The following FAM216A variants were observed in gnomAD, a reference collection of about 807,000 sequenced individuals.
FAM216A encodes the protein family with sequence similarity 216 member A.
A neutral mutation model predicts 37.6 loss-of-function variants in FAM216A; 26 were observed. The ratio of observed to expected loss-of-function variants is 0.69; its 90% CI spans 0.51 to 0.96. The LOEUF (loss-of-function observed/expected upper bound fraction) is 0.96. Among genes scored for constraint, FAM216A ranks in the 40% least tolerant of loss-of-function variants. The probability of loss-of-function intolerance (pLI) is 0.00; values close to 1 mark genes in which losing one functional copy is unlikely to be tolerated. For missense variants in FAM216A, 326 were observed against 339.3 expected (o/e 0.96, Z 0.31); for synonymous variants, 110 against 121.7 (o/e 0.90, Z 0.64).
At chr12:110,484,018 G>A (rs1211817908) in intron 2 of FAM216A, among the ~76,000 whole-genome samples, 1 of 152,102 alleles carries the variant, frequency 6.6e-6, no homozygotes, top group Non-Finnish European at 1.5e-5. Context: ...GAGAGGCAGA[G>A]GCGGGAGAAT....
chr12:110,479,495 A>T (rs1449235149), intron 2 of FAM216A, among the ~76,000 whole-genome samples: 2 of 151,890 alleles, frequency 1.3e-5, no homozygotes, highest in African/African-American at 4.8e-5. Flanking sequence ...TAAGATGTAT[A>T]AAAAAGTAGT....
chr12:110,480,972 C>G (rs1399076429), intron 2 of FAM216A, among the ~76,000 whole-genome samples: 1 of 152,118 alleles, frequency 6.6e-6, no homozygotes, highest in Non-Finnish European at 1.5e-5. Flanking sequence ...TCTTTCACTC[C>G]GTATATATTT....
intron 1 of FAM216A, among the ~76,000 whole-genome samples, chr12:110,472,865 A>C (rs1050688323): frequency 6.7e-6 from 1 of 149,724 alleles, no homozygotes; most frequent in Non-Finnish European, 1.5e-5. Context: ...AGTCCCAGCT[A>C]CCTGGGAGGC....
chr12:110,477,716 C>T (rs1256696204), intron 2 of FAM216A, among the ~76,000 whole-genome samples: 7 of 147,144 alleles, frequency 4.8e-5, no homozygotes, highest in African/African-American at 5.0e-5. Flanking sequence ...TGTGCTTTTT[C>T]TTTTTTTTTG....
chr12:110,486,924 TA>T (rs1440151162), intron 5 of FAM216A: 69 of 517,076 alleles, frequency 1.3e-4, no homozygotes, highest in South Asian at 1.9e-4. Context: ...CCCTGCTAGT[TA>T]AAAAAAATTG....
At chr12:110,487,748 G>C (rs1257022382) in intron 5 of FAM216A, 113 bp from the exon 6 acceptor site, 1 of 710,624 alleles carries the variant, frequency 1.4e-6, no homozygotes, top group Admixed American at 2.5e-5. Context: ...GGTGCTGAAA[G>C]GGTCTTTTTG....
At chr12:110,469,978 C>T (rs1348473101) in intron 1 of FAM216A, among the ~76,000 whole-genome samples, 3 of 152,186 alleles carry the variant, frequency 2.0e-5, no homozygotes, top group Admixed American at 1.3e-4. Context: ...GTTGAAGTCA[C>T]TGCTGGAGAC....
intron 1 of FAM216A, among the ~76,000 whole-genome samples, chr12:110,471,459 A>G (rs374957213): frequency 1.3e-5 from 2 of 152,192 alleles, no homozygotes; most frequent in East Asian, 1.9e-4. Flanking sequence ...TTCATGTATA[A>G]TATGATGGGT....
At chr12:110,480,887 G>C (rs2062743370) in intron 2 of FAM216A, among the ~76,000 whole-genome samples, 1 of 151,876 alleles carries the variant, frequency 6.6e-6, no homozygotes, top group South Asian at 2.1e-4. Flanking sequence ...GTCTCTAAAA[G>C]AAAATTTAAA....
rs771388561 is a variant in FAM216A at position 110,485,200 on chromosome 12, G to C, written c.306+1G>C. 6.2e-7 allele frequency: 1 copy of C among 1,603,920 alleles called. No homozygotes were observed. Among genetic ancestry groups the C allele is most frequent in the South Asian group, 1.1e-5 (1 of 89,282 alleles). On this transcript the variant is annotated splice_donor_variant, in intron 3 of 6. Coordinates refer to ENST00000377673, the MANE Select transcript of FAM216A (RefSeq NM_013300.3). LOFTEE classifies it high-confidence loss of function. ...AATGATGGAGGCGTCCTTTTTCAAG[G>C]TATGCTAACAGGGACATATTTAAAT...
chr12:110,481,285 A>G lies in FAM216A; in HGVS notation c.185-3793A>G, dbSNP rs1348687500. ...TCAGTTCTTTTGGAATTGCTGGATC[A>G]GAAGTGGAATTATTAGATTATATGG... is the stretch of plus-strand genomic sequence containing the variant. On this transcript the variant is annotated intron_variant, in intron 2 of 6. Transcript: ENST00000377673. 3.3e-5 allele frequency among the ~76,000 whole-genome samples: 5 copies of G among 152,222 alleles called. No homozygotes were observed. The East Asian group carries it at 7.7e-4, about 23-fold the overall frequency.
At chr12:110,478,400 G>A (rs1274580397) in intron 2 of FAM216A, among the ~76,000 whole-genome samples, 1 of 152,088 alleles carries the variant, frequency 6.6e-6, no homozygotes. Flanking sequence ...CTGTAAATAT[G>A]TTATGTTACA....
At chr12:110,474,279 A>G (rs1364734200) in intron 2 of FAM216A, among the ~76,000 whole-genome samples, 1 of 152,162 alleles carries the variant, frequency 6.6e-6, no homozygotes, top group African/African-American at 2.4e-5. Flanking sequence ...AGGGAAATAA[A>G]GAAATATTAA....
intron 2 of FAM216A, among the ~76,000 whole-genome samples, chr12:110,480,379 T>A (rs2062740482): frequency 6.6e-6 from 1 of 151,810 alleles, no homozygotes; most frequent in South Asian, 2.1e-4. Context: ...AATTTTTTTA[T>A]ATTTTTCTAG....
chr12:110,485,914 G>A (rs1328728765), intron 3 of FAM216A, among the ~76,000 whole-genome samples: 1 of 152,144 alleles, frequency 6.6e-6, no homozygotes, highest in Non-Finnish European at 1.5e-5. Flanking sequence ...TATTCTTCTG[G>A]TGCTGGAAAA....
At chr12:110,480,169 G>GCGCC (rs2062738228) in intron 2 of FAM216A, among the ~76,000 whole-genome samples, 1 of 146,164 alleles carries the variant, frequency 6.8e-6, no homozygotes. Context: ...GGGATTACAG[G>GCGCC]TGCACCCCCA....
At chr12:110,488,951 C>A (rs1298218099) in intron 6 of FAM216A, among the ~76,000 whole-genome samples, 1 of 152,024 alleles carries the variant, frequency 6.6e-6, no homozygotes, top group Non-Finnish European at 1.5e-5. Flanking sequence ...TTCTGTATAC[C>A]ATTTTGTTTG....
In FAM216A at chr12:110,468,896, G is replaced by A; in HGVS notation, c.21G>A (p.Pro7=). The A allele has an allele frequency of 6.6e-7, 1 of 1,518,116 alleles. No individual in the cohort carries two copies. Among genetic ancestry groups the A allele is most frequent in the South Asian group, 1.2e-5 (1 of 82,890 alleles). 94.0% of individuals were successfully genotyped at this position (1,518,116 alleles called of 1,614,324 possible). A position where few individuals can be genotyped will look rare whatever the true frequency, so the allele number is the denominator to read the frequency against. MLGQLL[P]HTARGLGAAE... ...GAGGGATGCTGGGACAGCTGCTCCC[G>A]CACACGGCTCGCGGTCTCGGCGCCG... The change falls in exon 1 of 7, where the codon CCG becomes CCA. Residue 7 remains proline (P), a synonymous_variant. Coordinates refer to ENST00000377673, the MANE Select transcript of FAM216A (RefSeq NM_013300.3).
intron 3 of FAM216A, among the ~76,000 whole-genome samples, chr12:110,485,511 C>G (rs377189568): frequency 6.6e-6 from 1 of 150,814 alleles, no homozygotes; most frequent in Admixed American, 6.6e-5. Flanking sequence ...AAATAGAAAC[C>G]CAACTTCACA....
Sources: gnomAD v4.1 joint callset for allele counts (sites outside exome capture counted in the v4.1 genomes callset) on GRCh38, gnomAD v4.1.1 for gene constraint, MANE v1.5 for transcripts, NCBI Gene and HGNC (gene_info 2026-07-23, HGNC 2026-07-21) for gene names.